The following CACNA1C variants were observed in gnomAD, a reference collection of about 807,000 sequenced individuals.
CACNA1C encodes voltage-dependent L-type calcium channel subunit alpha-1C.
CACNA1C carries 30 observed loss-of-function variants against 229.0 expected under a neutral mutation model. The observed-to-expected ratio is 0.13, with a 90% confidence interval of 0.10 to 0.18. CACNA1C has a LOEUF of 0.18. Among genes scored for constraint, CACNA1C ranks in the 10% least tolerant of loss-of-function variants. CACNA1C has a pLI of 1.00. For missense variants in CACNA1C, 1,658 were observed against 2,845.0 expected (o/e 0.58, Z 9.49); for synonymous variants, 1,114 against 1,132.5 (o/e 0.98, Z 0.33).
At chr12:2,455,983 T>A (rs1350537584) in intron 4 of CACNA1C, among the ~76,000 whole-genome samples, 2 of 152,210 alleles carry the variant, frequency 1.3e-5, no homozygotes, top group Non-Finnish European at 2.9e-5. Flanking sequence ...ATACAACTGC[T>A]GCGCTTTTGT....
At chr12:2,555,922 T>C (rs1333605774) in intron 10 of CACNA1C, among the ~76,000 whole-genome samples, 1 of 142,390 alleles carries the variant, frequency 7.0e-6, no homozygotes, top group African/African-American at 3.1e-5. Flanking sequence ...GACTCCCTTC[T>C]CCTGTTTCCT....
At chr12:2,165,801 C>A (rs2096190603) in intron 3 of CACNA1C, among the ~76,000 whole-genome samples, 1 of 152,178 alleles carries the variant, frequency 6.6e-6, no homozygotes, top group Non-Finnish European at 1.5e-5. Flanking sequence ...ACACAGTGTG[C>A]AGTAGGTGAG....
In CACNA1C at chr12:2,448,424, G is replaced by A. The variant is rs148977453; in HGVS notation, c.478-552G>A. On this transcript the variant is annotated intron_variant, in intron 3 of 46. Coordinates refer to ENST00000399655, the MANE Select transcript of CACNA1C (RefSeq NM_000719.7). The stretch of plus-strand genomic sequence containing the variant: ...CGGTGTATGTGAGCAGGTTGCCTCT[G>A]TCTGGGCTGCTCTTAAGGGATCTTC... Among the ~76,000 whole-genome samples the A allele has an allele frequency of 1.0e-3, 156 of 152,294 alleles. 1 individual carries two copies. The highest frequency in any genetic ancestry group is 3.6e-3 in the African/African-American group (150 of 41,554).
intron 5 of CACNA1C, 109 bp downstream of exon 5, chr12:2,457,815 G>C (rs954515078): frequency 1.9e-6 from 2 of 1,033,806 alleles, no homozygotes; most frequent in Non-Finnish European, 2.6e-6. Context: ...CATATAAATG[G>C]AGGGGTTTTT....
In CACNA1C at chr12:1,971,861, C is replaced by T. The variant is rs1180990779; in HGVS notation, c.139+660C>T. Among the ~76,000 whole-genome samples the T allele has an allele frequency of 1.3e-5, 2 of 152,074 alleles. No homozygotes were observed. Among genetic ancestry groups the T allele is most frequent in the Non-Finnish European group, 2.9e-5 (2 of 68,012 alleles). ...TTATAATTTGTTTTATATTTTTACCCAAATACCATACAACTCCAAATCATG... is the reference window on the plus strand; with the variant it reads ...TTATAATTTGTTTTATATTTTTACCTAAATACCATACAACTCCAAATCATG... On this transcript the variant is annotated intron_variant, in intron 1 of 46. Transcript: ENST00000682462. The surrounding 1 kb of genome is among the most constrained non-coding windows in gnomAD (Gnocchi z 4.2).
At chr12:2,371,633 A>T (rs2097864917) in intron 3 of CACNA1C, among the ~76,000 whole-genome samples, 1 of 152,098 alleles carries the variant, frequency 6.6e-6, no homozygotes, top group Non-Finnish European at 1.5e-5. Flanking sequence ...CAAGAGCAAG[A>T]AATAAGGAGA....
At chr12:2,495,640 G>A (rs1360383518) in intron 7 of CACNA1C, among the ~76,000 whole-genome samples, 1 of 152,242 alleles carries the variant, frequency 6.6e-6, no homozygotes, top group African/African-American at 2.4e-5. Flanking sequence ...TTCAGCAGCT[G>A]TGTTGTGCCT....
chr12:2,009,917 A>G (rs1206885256), intron 1 of CACNA1C, among the ~76,000 whole-genome samples: 1 of 152,232 alleles, frequency 6.6e-6, no homozygotes, highest in Non-Finnish European at 1.5e-5. Flanking sequence ...CACTGGGTAA[A>G]TGAGATCAAG....
chr12:2,391,490 C>T (rs917324213), intron 3 of CACNA1C, among the ~76,000 whole-genome samples: 1 of 152,112 alleles, frequency 6.6e-6, no homozygotes, highest in African/African-American at 2.4e-5. Flanking sequence ...TGGGAGGGAA[C>T]CAAGAACAGG....
chr12:2,107,866 TTC>T (rs2079804165), intron 1 of CACNA1C, among the ~76,000 whole-genome samples: 1 of 152,242 alleles, frequency 6.6e-6, no homozygotes, highest in South Asian at 2.1e-4. Context: ...CTTCTCACAT[TTC>T]TTTGTCACCA....
chr12:2,076,506 A>G (rs1164328821), intron 1 of CACNA1C, among the ~76,000 whole-genome samples: 2 of 136,426 alleles, frequency 1.5e-5, no homozygotes, highest in Non-Finnish European at 3.2e-5. Flanking sequence ...CTCCCTACCT[A>G]CCTCCCCCCT....
chr12:2,194,390 CCCT>C (rs1180435908), intron 3 of CACNA1C, among the ~76,000 whole-genome samples: 3 of 147,704 alleles, frequency 2.0e-5, no homozygotes, highest in African/African-American at 7.4e-5. Flanking sequence ...TTCCTGCTCC[CCCT>C]CCTCTTCCTG....
At chr12:2,392,509 A>T (rs2098501725) in intron 3 of CACNA1C, among the ~76,000 whole-genome samples, 1 of 152,124 alleles carries the variant, frequency 6.6e-6, no homozygotes, top group African/African-American at 2.4e-5. Flanking sequence ...GCATGCATCC[A>T]TCAGCCGGGG....
At chr12:2,279,065 A>G (rs2154432923) in intron 3 of CACNA1C, among the ~76,000 whole-genome samples, 1 of 152,316 alleles carries the variant, frequency 6.6e-6, no homozygotes, top group African/African-American at 2.4e-5. Context: ...TATATTTTGC[A>G]TACATTATAT....
intron 13 of CACNA1C, among the ~76,000 whole-genome samples, chr12:2,577,315 A>C (rs1235673892): frequency 1.3e-5 from 2 of 152,234 alleles, no homozygotes; most frequent in African/African-American, 4.8e-5. Context: ...ACAGAGGCTG[A>C]CCTGTGCCCT....
intron 1 of CACNA1C, among the ~76,000 whole-genome samples, chr12:2,064,338 C>T (rs1221703737): frequency 6.6e-6 from 1 of 152,184 alleles, no homozygotes; most frequent in Non-Finnish European, 1.5e-5. Context: ...ATGTCTGTGG[C>T]TAGAGATGTG....
intron 11 of CACNA1C, among the ~76,000 whole-genome samples, chr12:2,560,104 G>A (rs1042218644): frequency 2.6e-5 from 4 of 152,134 alleles, no homozygotes; most frequent in African/African-American, 7.2e-5. Context: ...TGTTGCTAGC[G>A]GCTGCCACGC....
Position 2,488,539 on chromosome 12 carries a change from A to T in CACNA1C, c.916+2277A>T, listed in dbSNP as rs1441905548. Among the ~76,000 whole-genome samples the T allele has an allele frequency of 6.6e-6, 1 of 152,232 alleles. No homozygotes were observed. The highest frequency in any genetic ancestry group is 2.4e-5 in the African/African-American group (1 of 41,472). On this transcript the variant is annotated intron_variant, in intron 6 of 46. Transcript: ENST00000399655. This position sits in a 1 kb window ranked among gnomAD's most constrained non-coding sequence, Gnocchi z 4.0. The stretch of plus-strand genomic sequence containing the variant: ...GATCACATTGTCCACCCTTGATAGT[A>T]AACAGGACCAGGAAAAGTGCCTGAG...
intron 1 of CACNA1C, among the ~76,000 whole-genome samples, chr12:2,038,356 A>G (rs2049504021): frequency 6.6e-6 from 1 of 152,206 alleles, no homozygotes; most frequent in South Asian, 2.1e-4. Flanking sequence ...TATAATCACT[A>G]ATAGGATGCT....
Sources: gnomAD v4.1 joint callset for allele counts (sites outside exome capture counted in the v4.1 genomes callset) on GRCh38, gnomAD v4.1.1 for gene constraint, Gnocchi (gnomAD v3.1) non-coding constraint, MANE v1.5 for transcripts, NCBI Gene and HGNC (gene_info 2026-07-23, HGNC 2026-07-21) for gene names.